CACUL1: variants seen among roughly 807,000 people sequenced by gnomAD.
The protein encoded by CACUL1 is CDK2 associated cullin domain 1, also known as CDK2-associated and cullin domain-containing protein 1.
CACUL1 carries 13 observed loss-of-function variants against 45.2 expected under a neutral mutation model. The observed-to-expected ratio is 0.29, with a 90% confidence interval of 0.19 to 0.46. The LOEUF is 0.46. Ranked by LOEUF, CACUL1 falls within the 20% of genes least tolerant of loss-of-function variation. The probability of loss-of-function intolerance (pLI) is 1.00; values close to 1 mark genes in which losing one functional copy is unlikely to be tolerated. For missense variants in CACUL1, 421 were observed against 471.4 expected (o/e 0.89, Z 0.99); for synonymous variants, 197 against 174.2 (o/e 1.13, Z -1.03).
At position 118,691,881 on chromosome 10, in the gene CACUL1, A is replaced by G. The variant is rs909782093; in HGVS notation, c.887-478T>C. Among the ~76,000 whole-genome samples the G allele has an allele frequency of 3.4e-3, 414 of 121,088 alleles. 2 individuals carry two copies. The highest frequency in any genetic ancestry group is 6.6e-3 in the Non-Finnish European group (328 of 49,872). The allele number at this position is 121,088 out of a possible 152,430, so 79.4% of individuals were successfully genotyped here. On this transcript the variant is annotated intron_variant, in intron 6 of 8. Coordinates refer to ENST00000369151, the MANE Select transcript of CACUL1 (RefSeq NM_153810.5). ...GACTCCGTCTCAAAAAAAAAAAAAA[A>G]AAAAAAAAAGAAAAAGAATTTTATA...
At chr10:118,734,897 G>A (rs1014733310) in intron 1 of CACUL1, among the ~76,000 whole-genome samples, 2 of 152,196 alleles carry the variant, frequency 1.3e-5, no homozygotes, top group African/African-American at 4.8e-5. Context: ...AATATTATCA[G>A]GTTGCTGATA....
At chr10:118,737,799 G>A (rs1845754094) in intron 1 of CACUL1, among the ~76,000 whole-genome samples, 3 of 151,720 alleles carry the variant, frequency 2.0e-5, no homozygotes, top group Admixed American at 1.3e-4. Flanking sequence ...CATCACATAG[G>A]AGCCTGTGAC....
chr10:118,714,475 A>G (rs559236670), intron 3 of CACUL1, among the ~76,000 whole-genome samples: 1 of 152,334 alleles, frequency 6.6e-6, no homozygotes, highest in South Asian at 2.1e-4. Context: ...CAAAATTTTA[A>G]TTTTCACTTC....
intron 1 of CACUL1, among the ~76,000 whole-genome samples, chr10:118,744,817 G>C (rs1402076963): frequency 6.6e-6 from 1 of 151,976 alleles, no homozygotes; most frequent in Non-Finnish European, 1.5e-5. Context: ...CACTACACCT[G>C]GCTAATTTTT....
rs994462844 is a variant in CACUL1 at position 118,690,021 on chromosome 10, T to A, written c.1025+1244A>T. Among the ~76,000 whole-genome samples, 4 of 152,358 alleles carry A rather than the reference T, an allele frequency of 2.6e-5. No individual in the cohort carries two copies. In the South Asian group the frequency reaches 8.3e-4, roughly 32 times the overall value. On this transcript the variant is annotated intron_variant, in intron 7 of 8. Coordinates refer to ENST00000369151, the MANE Select transcript of CACUL1 (RefSeq NM_153810.5). Reference sequence around the variant, plus strand: ...TTATTTTGCATTTATTTAAGAATACTGGGCCGGGTGCAGTGGCTTACACCT... The same window carrying A: ...TTATTTTGCATTTATTTAAGAATACAGGGCCGGGTGCAGTGGCTTACACCT...
At chr10:118,712,380 AGCTCCCAG>A (rs1382633774) in intron 3 of CACUL1, among the ~76,000 whole-genome samples, 1 of 152,224 alleles carries the variant, frequency 6.6e-6, no homozygotes, top group Non-Finnish European at 1.5e-5. Flanking sequence ...TGGCTCAGGG[AGCTCCCAG>A]GCTGGGGCTT....
intron 3 of CACUL1, among the ~76,000 whole-genome samples, chr10:118,716,222 AC>A (rs761757025): frequency 9.8e-4 from 148 of 150,270 alleles, no homozygotes; most frequent in Non-Finnish European, 1.7e-3. Flanking sequence ...ACAGAGCAAG[AC>A]TCCGTCTCAA....
intron 5 of CACUL1, among the ~76,000 whole-genome samples, chr10:118,696,213 T>C (rs189267506): frequency 6.6e-6 from 1 of 152,280 alleles, no homozygotes; most frequent in East Asian, 1.9e-4. Context: ...CAATTTTGAA[T>C]GGCACAGACC....
chr10:118,749,405 A>C (rs1195210671), intron 1 of CACUL1, among the ~76,000 whole-genome samples: 3 of 152,204 alleles, frequency 2.0e-5, no homozygotes, highest in Non-Finnish European at 4.4e-5. Context: ...TAGGAAAACA[A>C]AGGCAATATA....
At chr10:118,734,983 C>T (rs1408218665) in intron 1 of CACUL1, among the ~76,000 whole-genome samples, 1 of 152,136 alleles carries the variant, frequency 6.6e-6, no homozygotes, top group African/African-American at 2.4e-5. Context: ...TTTTTTAATC[C>T]AAATAACTTG....
Position 118,685,799 on chromosome 10 carries a change from A to G in CACUL1, c.*329T>C, listed in dbSNP as rs1845198759. On this transcript the variant is annotated 3_prime_UTR_variant, in exon 9 of 9. Coordinates refer to ENST00000369151, the MANE Select transcript of CACUL1 (RefSeq NM_153810.5). ...AAAAAAAAAATTCTTCTGCTCTTAT[A>G]TTTTTGGAGGAAGCTGCTGATTTTG... 1 of 208,028 alleles carries G rather than the reference A, an allele frequency of 4.8e-6. No individual in the cohort carries two copies. Among genetic ancestry groups the G allele is most frequent in the East Asian group, 1.1e-4 (1 of 9,218 alleles). The allele number at this position is 208,028 out of a possible 1,614,324, so 12.9% of individuals were successfully genotyped here.
At position 118,680,575 on chromosome 10, in the gene CACUL1, C is replaced by CA. The variant is rs1157025194; in HGVS notation, c.*5552dup. ...ACACTAATTTCATAGCAAGAAAACA[C>CA]AAAGGGTTATAAAAAAGCATAGTAC... is the stretch of plus-strand genomic sequence containing the variant. On this transcript the variant is annotated 3_prime_UTR_variant, in exon 9 of 9. Coordinates refer to ENST00000369151, the MANE Select transcript of CACUL1 (RefSeq NM_153810.5). The CA allele has an allele frequency of 2.0e-5, 3 of 151,980 alleles. No homozygotes were observed. Among genetic ancestry groups the CA allele is most frequent in the African/African-American group, 7.3e-5 (3 of 41,370 alleles). 9.4% of individuals were successfully genotyped at this position (151,980 alleles called of 1,614,324 possible).
In CACUL1 at chr10:118,678,599, C is replaced by A. The variant is rs1845119860; in HGVS notation, c.*7529G>T. 6.6e-6 allele frequency: 1 copy of A among 151,578 alleles called. No individual in the cohort carries two copies. Among genetic ancestry groups the A allele is most frequent in the Non-Finnish European group, 1.5e-5 (1 of 67,992 alleles). 9.4% of individuals were successfully genotyped at this position (151,578 alleles called of 1,614,324 possible). A position where few individuals can be genotyped will look rare whatever the true frequency, so the allele number is the denominator to read the frequency against. On this transcript the variant is annotated 3_prime_UTR_variant, in exon 9 of 9. Transcript: ENST00000369151. ...TGAGTGTTATCCCTTATATTCTCTA[C>A]ACTTATTTAGGTCCATTAAGTTTTT...
At chr10:118,724,306 T>A (rs1457287279) in intron 3 of CACUL1, among the ~76,000 whole-genome samples, 1 of 152,192 alleles carries the variant, frequency 6.6e-6, no homozygotes, top group Non-Finnish European at 1.5e-5. Flanking sequence ...AATGTTAGGT[T>A]CCTCTATCTG....
At chr10:118,686,498 C>T in intron 8 of CACUL1, 100 bp downstream of exon 8, 3 of 951,578 alleles carry the variant, frequency 3.2e-6, no homozygotes, top group East Asian at 2.4e-5. Flanking sequence ...ATGAGAACAA[C>T]ATGGGTATCA....
chr10:118,751,352 A>C (rs1217937657), intron 1 of CACUL1, among the ~76,000 whole-genome samples: 1 of 151,938 alleles, frequency 6.6e-6, no homozygotes, highest in Non-Finnish European at 1.5e-5. Flanking sequence ...AATAATGTTA[A>C]CTTTGGTTTT....
At chr10:118,701,980 G>C (rs1261895315) in intron 4 of CACUL1, among the ~76,000 whole-genome samples, 9 of 152,112 alleles carry the variant, frequency 5.9e-5, no homozygotes, top group Admixed American at 5.9e-4. Flanking sequence ...GGAATGTCAG[G>C]CCTCTGAGCC....
In CACUL1 at chr10:118,732,170, T is replaced by C. The variant is rs781480161; in HGVS notation, c.368-1760A>G. On this transcript the variant is annotated intron_variant, in intron 1 of 8. Transcript: ENST00000369151. ...TCCAGCAGCTGTGCTGAGGGTAAACTAAGTTTGGAGGCTGTGAGCTGATAT... is the reference window on the plus strand; with the variant it reads ...TCCAGCAGCTGTGCTGAGGGTAAACCAAGTTTGGAGGCTGTGAGCTGATAT... Among the ~76,000 whole-genome samples, 7 of 152,162 alleles carry C rather than the reference T, an allele frequency of 4.6e-5. 1 individual carries two copies. The highest frequency in any genetic ancestry group is 3.9e-4 in the Admixed American group (6 of 15,274).
At chr10:118,742,931 C>T (rs574055425) in intron 1 of CACUL1, among the ~76,000 whole-genome samples, 1 of 152,140 alleles carries the variant, frequency 6.6e-6, no homozygotes, top group African/African-American at 2.4e-5. Flanking sequence ...GAAGAAAGAA[C>T]TTTAGACGCA....
Sources: allele counts gnomAD v4.1 joint callset (sites outside exome capture counted in the v4.1 genomes callset), GRCh38; gene constraint gnomAD v4.1.1; transcripts MANE v1.5; gene names NCBI Gene and HGNC (gene_info 2026-07-23, HGNC 2026-07-21).